The following SLC9A9 variants were observed in gnomAD, a reference collection of about 807,000 sequenced individuals.
SLC9A9 encodes solute carrier family 9 member A9, also known as sodium/hydrogen exchanger 9.
A neutral mutation model predicts 77.8 loss-of-function variants in SLC9A9; 62 were observed. The observed-to-expected ratio is 0.80, with a 90% CI of 0.65 to 0.98. SLC9A9 has a LOEUF of 0.98. Ranked by LOEUF, SLC9A9 falls within the 50% of genes least tolerant of loss-of-function variation. SLC9A9 has a pLI of 0.00. For synonymous variants in SLC9A9, 320 were observed against 283.5 expected (o/e 1.13, Z -1.29); for missense variants, 775 against 774.9 (o/e 1.00, Z 0.00).
At chr3:143,313,078 AATTT>A (rs1347696919) in intron 14 of SLC9A9, 3 of 152,184 alleles carry the variant, frequency 2.0e-5, no homozygotes, top group Non-Finnish European at 4.4e-5. Context: ...ACCTATAATT[AATTT>A]ATCTTTACTG....
At chr3:143,319,679 A>C (rs758778017) in intron 14 of SLC9A9, among the ~76,000 whole-genome samples, 1 of 152,224 alleles carries the variant, frequency 6.6e-6, no homozygotes, top group Admixed American at 6.5e-5. Flanking sequence ...CGCTGCTGAC[A>C]TTTGCAGTCT....
chr3:143,788,522 C>G (rs1212218371), intron 4 of SLC9A9, among the ~76,000 whole-genome samples: 1 of 151,916 alleles, frequency 6.6e-6, no homozygotes. Context: ...TAAACCCCAT[C>G]TCTACTAAAA....
intron 12 of SLC9A9, among the ~76,000 whole-genome samples, chr3:143,455,531 T>G (rs2035075747): frequency 6.6e-6 from 1 of 152,186 alleles, no homozygotes; most frequent in Admixed American, 6.5e-5. Flanking sequence ...CTATATTTAG[T>G]CTTCTAATTC....
At chr3:143,273,153 G>C (rs981755578) in intron 14 of SLC9A9, among the ~76,000 whole-genome samples, 2 of 152,226 alleles carry the variant, frequency 1.3e-5, no homozygotes, top group Non-Finnish European at 2.9e-5. Flanking sequence ...CCTATGGCTT[G>C]TATGATGTGG....
At chr3:143,806,732 G>C (rs914270810) in intron 2 of SLC9A9, among the ~76,000 whole-genome samples, 1 of 144,242 alleles carries the variant, frequency 6.9e-6, no homozygotes, top group African/African-American at 2.5e-5. Flanking sequence ...GGTATTATGT[G>C]GTGGTGGGGG....
intron 6 of SLC9A9, among the ~76,000 whole-genome samples, chr3:143,646,799 A>G (rs962084337): frequency 9.9e-5 from 15 of 152,186 alleles, no homozygotes; most frequent in South Asian, 6.2e-4. Flanking sequence ...TTTTTCACCA[A>G]TCATATAGGA....
intron 12 of SLC9A9, among the ~76,000 whole-genome samples, chr3:143,451,493 T>C (rs922555621): frequency 2.0e-5 from 3 of 152,196 alleles, no homozygotes; most frequent in African/African-American, 7.2e-5. Flanking sequence ...AAACACATAC[T>C]AGTAAGTAAA....
intron 5 of SLC9A9, among the ~76,000 whole-genome samples, chr3:143,670,217 C>T (rs1043478379): frequency 1.3e-5 from 2 of 152,162 alleles, no homozygotes; most frequent in Admixed American, 1.3e-4. Context: ...TAAGGGCCTT[C>T]CACATCTAAA....
At chr3:143,722,436 G>A (rs781659724) in intron 4 of SLC9A9, among the ~76,000 whole-genome samples, 1 of 120,520 alleles carries the variant, frequency 8.3e-6, no homozygotes, top group African/African-American at 3.2e-5. Flanking sequence ...TCAGGCCACT[G>A]CACTCCAGCC....
intron 6 of SLC9A9, among the ~76,000 whole-genome samples, chr3:143,618,040 A>G (rs1345805630): frequency 1.3e-5 from 2 of 152,216 alleles, no homozygotes; most frequent in African/African-American, 2.4e-5. Context: ...ATAAAGTGGT[A>G]TCAGAGTGAA....
chr3:143,401,819 T>A (rs2033867312), intron 12 of SLC9A9, among the ~76,000 whole-genome samples: 1 of 152,180 alleles, frequency 6.6e-6, no homozygotes, highest in African/African-American at 2.4e-5. Context: ...ATGAAAGTGC[T>A]CCTGAACAGA....
chr3:143,474,063 T>C (rs1295418832), intron 11 of SLC9A9, among the ~76,000 whole-genome samples: 1 of 152,120 alleles, frequency 6.6e-6, no homozygotes, highest in African/African-American at 2.4e-5. Flanking sequence ...TAGGTGACAT[T>C]TGAGCAGAGA....
chr3:143,641,268 A>G (rs2038616335), intron 6 of SLC9A9, among the ~76,000 whole-genome samples: 1 of 152,078 alleles, frequency 6.6e-6, no homozygotes. Flanking sequence ...TTTCCTAATA[A>G]ATAGGTATTT....
chr3:143,659,794 T>C (rs2038952273), intron 5 of SLC9A9, among the ~76,000 whole-genome samples: 1 of 152,198 alleles, frequency 6.6e-6, no homozygotes, highest in Non-Finnish European at 1.5e-5. Context: ...AGTTTGGGTG[T>C]ATCCCCACCC....
At chr3:143,369,829 C>T (rs1298579014) in intron 13 of SLC9A9, among the ~76,000 whole-genome samples, 1 of 152,132 alleles carries the variant, frequency 6.6e-6, no homozygotes, top group Non-Finnish European at 1.5e-5. Flanking sequence ...TGCTGTCTCT[C>T]TTGGACCATG....
chr3:143,394,067 T>C (rs1009072226), intron 12 of SLC9A9, among the ~76,000 whole-genome samples: 19 of 151,856 alleles, frequency 1.3e-4, no homozygotes, highest in Non-Finnish European at 2.2e-4. Context: ...TTCCAATCAA[T>C]AGAAAAAGAG....
intron 2 of SLC9A9, among the ~76,000 whole-genome samples, chr3:143,820,304 T>C (rs138407445): frequency 7.2e-5 from 11 of 152,346 alleles, no homozygotes; most frequent in African/African-American, 2.6e-4. Flanking sequence ...TTTGTTCTCA[T>C]TGAATGCAAA....
At chr3:143,309,267 A>G (rs1031435644) in intron 14 of SLC9A9, among the ~76,000 whole-genome samples, 1 of 152,182 alleles carries the variant, frequency 6.6e-6, no homozygotes, top group African/African-American at 2.4e-5. Context: ...AGGGTCATAT[A>G]ATGGGATAGG....
chr3:143,512,383 C>T (rs372754918), intron 9 of SLC9A9, among the ~76,000 whole-genome samples: 1 of 152,106 alleles, frequency 6.6e-6, no homozygotes, highest in Non-Finnish European at 1.5e-5. Context: ...TGGAAAACCA[C>T]CAAAACATAT....
Sources: allele counts gnomAD v4.1 joint callset (sites outside exome capture counted in the v4.1 genomes callset), GRCh38; gene constraint gnomAD v4.1.1; transcripts MANE v1.5; gene names NCBI Gene and HGNC (gene_info 2026-07-23, HGNC 2026-07-21).